ADGRB3: variants seen among roughly 807,000 people sequenced by gnomAD.
ADGRB3 encodes adhesion G protein-coupled receptor B3, also known as brain-specific angiogenesis inhibitor 3.
In ADGRB3, 37 loss-of-function variants were observed where a neutral mutation model predicts 193.4. The ratio of observed to expected loss-of-function variants is 0.19; its 90% confidence interval spans 0.15 to 0.25. The LOEUF is 0.25. Ranked by LOEUF, ADGRB3 falls within the 10% of genes least tolerant of loss-of-function variation. The pLI, the probability that ADGRB3 is intolerant of heterozygous loss-of-function variation, is 1.00. For missense variants in ADGRB3, 1,637 were observed against 1,852.9 expected (o/e 0.88, Z 2.14); for synonymous variants, 690 against 644.2 (o/e 1.07, Z -1.08).
chr6:68,756,307 C>T (rs1224503308), intron 3 of ADGRB3, among the ~76,000 whole-genome samples: 1 of 152,162 alleles, frequency 6.6e-6, no homozygotes, highest in Admixed American at 6.6e-5. Flanking sequence ...TCCTTCCTAT[C>T]AACCCCATGG....
chr6:68,727,707 T>C (rs573043238), intron 3 of ADGRB3, among the ~76,000 whole-genome samples: 116 of 151,658 alleles, frequency 7.6e-4, no homozygotes, highest in South Asian at 2.9e-3. Context: ...TTAAGATTTA[T>C]CCTCCATGTG....
At chr6:68,920,131 T>C (rs12198022) in intron 3 of ADGRB3, among the ~76,000 whole-genome samples, 96,939 of 151,990 alleles carry the variant, frequency 0.64, 32,283 homozygotes, top group Middle Eastern at 0.81. Flanking sequence ...GTCCTTGTAC[T>C]GAAGGGGAAC....
At chr6:68,956,855 GA>G (rs3215965) in intron 8 of ADGRB3, 46 bp downstream of exon 8, 899,313 of 1,481,188 alleles carry the variant, frequency 0.61, 264,004 homozygotes, top group Middle Eastern at 0.74. Context: ...TTCATAACGT[GA>G]AAAAAAAAAG....
intron 3 of ADGRB3, among the ~76,000 whole-genome samples, chr6:68,930,188 G>A (rs1397661654): frequency 6.6e-6 from 1 of 151,874 alleles, no homozygotes; most frequent in African/African-American, 2.4e-5. Context: ...TTGTTGTTTA[G>A]CAAAGAAGCA....
chr6:69,101,682 C>T (rs1773059988), intron 17 of ADGRB3, among the ~76,000 whole-genome samples: 1 of 149,638 alleles, frequency 6.7e-6, no homozygotes, highest in African/African-American at 2.5e-5. Context: ...ATACAGGACA[C>T]TGTTCTAAAT....
rs550662875 is a variant in ADGRB3 at position 69,321,814 on chromosome 6, T to C, written c.2815-3058T>C. Among the ~76,000 whole-genome samples the C allele has an allele frequency of 2.4e-4, 37 of 151,982 alleles. 1 individual carries two copies. The highest frequency in any genetic ancestry group is 8.2e-4 in the African/African-American group (34 of 41,540). ...CTTTTGCAACTTAGCCAATATGACA[T>C]ATAAGTAGAAAAATCAGTGTGTGTT... On this transcript the variant is annotated intron_variant, in intron 20 of 31. Transcript: ENST00000370598.
rs1207903657 is a variant in ADGRB3, at chr6:68,760,681, A to AC, written c.757+121250dup. Among the ~76,000 whole-genome samples the AC allele has an allele frequency of 3.3e-5, 5 of 152,194 alleles. No homozygotes were observed. The East Asian group carries it at 9.6e-4, about 29-fold the overall frequency. On this transcript the variant is annotated intron_variant, in intron 3 of 31. Transcript: ENST00000370598. ...AATCTGTGAAGTAGCAGCTGTCCAC[A>AC]CAGGTGGACTGCCTCCATTTTAGTA...
chr6:68,762,185 A>T (rs892096022), intron 3 of ADGRB3, among the ~76,000 whole-genome samples: 4 of 151,912 alleles, frequency 2.6e-5, no homozygotes, highest in African/African-American at 7.2e-5. Context: ...CCACCATCTC[A>T]TCTTCTGTCT....
intron 3 of ADGRB3, among the ~76,000 whole-genome samples, chr6:68,653,002 C>T (rs1561983753): frequency 6.6e-6 from 1 of 152,088 alleles, no homozygotes; most frequent in Non-Finnish European, 1.5e-5. Flanking sequence ...TGTTACTGGC[C>T]TACTAATGGT....
intron 17 of ADGRB3, among the ~76,000 whole-genome samples, chr6:69,185,704 T>G (rs1484540728): frequency 6.6e-6 from 1 of 152,180 alleles, no homozygotes; most frequent in African/African-American, 2.4e-5. Flanking sequence ...AAAATATGTG[T>G]ATGCACCTTA....
At chr6:69,030,394 G>C (rs916289350) in intron 13 of ADGRB3, among the ~76,000 whole-genome samples, 16 of 152,146 alleles carry the variant, frequency 1.1e-4, no homozygotes, top group African/African-American at 3.9e-4. Context: ...ACTGGATAAA[G>C]AAAATGTGGC....
In ADGRB3 at chr6:69,253,099, A is replaced by G. The variant is rs147665514; in HGVS notation, c.2814+13873A>G. ...TAGCTTTGCAAAATCAGTTGACTGT[A>G]TGTGTGGATCTGTTTCTGGATTTCT... On this transcript the variant is annotated intron_variant, in intron 20 of 31. Coordinates refer to ENST00000370598, the MANE Select transcript of ADGRB3 (RefSeq NM_001704.3). 2.4e-3 allele frequency among the ~76,000 whole-genome samples: 367 copies of G among 152,052 alleles called. 9 individuals carry two copies. Among genetic ancestry groups the G allele is most frequent in the Admixed American group, 0.018 (276 of 15,256 alleles).
At chr6:69,233,136 TA>T in intron 17 of ADGRB3, 153 bp from the exon 18 acceptor site, 1 of 1,123,480 alleles carries the variant, frequency 8.9e-7, no homozygotes, top group Non-Finnish European at 1.3e-6. Context: ...GAGATGCATC[TA>T]AATTACATCC....
At chr6:69,294,329 C>A (rs567364346) in intron 20 of ADGRB3, among the ~76,000 whole-genome samples, 8 of 152,152 alleles carry the variant, frequency 5.3e-5, no homozygotes, top group African/African-American at 1.9e-4. Flanking sequence ...AACACATGCA[C>A]ATTTCATAAG....
chr6:68,824,770 C>T (rs556038148), intron 3 of ADGRB3, among the ~76,000 whole-genome samples: 1 of 151,276 alleles, frequency 6.6e-6, no homozygotes, highest in African/African-American at 2.4e-5. Flanking sequence ...TATCTTGTTG[C>T]TTTCACATAT....
At chr6:69,324,776 A>T in intron 20 of ADGRB3, 96 bp from the exon 21 acceptor site, 1 of 1,355,756 alleles carries the variant, frequency 7.4e-7, no homozygotes, top group Non-Finnish European at 1.0e-6. Flanking sequence ...ATTTGAAATA[A>T]AAGCAATGAA....
intron 11 of ADGRB3, among the ~76,000 whole-genome samples, chr6:69,011,278 T>G (rs951019195): frequency 6.6e-6 from 1 of 151,860 alleles, no homozygotes; most frequent in African/African-American, 2.4e-5. Context: ...ATGTACGCTA[T>G]GGAATATTAT....
chr6:69,209,474 C>G (rs899064491), intron 17 of ADGRB3, among the ~76,000 whole-genome samples: 1 of 152,238 alleles, frequency 6.6e-6, no homozygotes, highest in African/African-American at 2.4e-5. Context: ...ACCCAAATGT[C>G]TCACCAGTAA....
At position 68,962,234 on chromosome 6, in the gene ADGRB3, AAAATAGTATCCAATCTTC is replaced by A. The variant is rs553146328; in HGVS notation, c.1525+5426_1525+5443del. Reference sequence around the variant, plus strand: ...CACCTGTTGCTTTTAATAAATACCTAAAATAGTATCCAATCTTCTCAAAAAGGATGAGTTTTACCACCT... The same window carrying A: ...CACCTGTTGCTTTTAATAAATACCTATCAAAAAGGATGAGTTTTACCACCT... On this transcript the variant is annotated intron_variant, in intron 8 of 31. Coordinates refer to ENST00000370598, the MANE Select transcript of ADGRB3 (RefSeq NM_001704.3). 2.6e-5 allele frequency among the ~76,000 whole-genome samples: 4 copies of A among 152,332 alleles called. No homozygotes were observed. In the East Asian group the frequency reaches 7.7e-4, roughly 29 times the overall value.
Sources: allele counts gnomAD v4.1 joint callset (sites outside exome capture counted in the v4.1 genomes callset), GRCh38; gene constraint gnomAD v4.1.1; transcripts MANE v1.5; gene names NCBI Gene and HGNC (gene_info 2026-07-23, HGNC 2026-07-21).